Variants in COL22A1 observed in about 807,000 individuals in gnomAD.
COL22A1 encodes the protein collagen type XXII alpha 1 chain.
Under a neutral mutation model 248.9 loss-of-function variants are expected in COL22A1, and 221 were observed. The observed-to-expected ratio is 0.89, with a 90% CI of 0.80 to 0.99. COL22A1 has a LOEUF of 0.99. COL22A1 is among the 50% of genes least tolerant of loss of function. The probability of loss-of-function intolerance (pLI) is 0.00; values close to 1 mark genes in which losing one functional copy is unlikely to be tolerated. For synonymous variants in COL22A1, 891 were observed against 793.4 expected, an observed-to-expected ratio of 1.12 and a Z score of -2.07; for missense variants, 2,240 against 2,179.0, an observed-to-expected ratio of 1.03 and a Z score of -0.56.
chr8:138,912,180 G>C (rs1170540610), intron 1 of COL22A1, among the ~76,000 whole-genome samples: 1 of 152,224 alleles, frequency 6.6e-6, no homozygotes, highest in Non-Finnish European at 1.5e-5. Flanking sequence ...ACCCAGGGCA[G>C]CCAAAGAGAG....
intron 56 of COL22A1, among the ~76,000 whole-genome samples, chr8:138,612,004 A>T (rs1818901160): frequency 6.6e-6 from 1 of 152,274 alleles, no homozygotes; most frequent in Non-Finnish European, 1.5e-5. Context: ...CATTCAAAAA[A>T]CACACAACAT....
At chr8:138,685,342 T>C (rs1826266258) in intron 37 of COL22A1, 30 bp from the exon 38 acceptor site, 1 of 1,571,654 alleles carries the variant, frequency 6.4e-7, no homozygotes, top group Non-Finnish European at 8.8e-7. Context: ...TTTCCCAGGG[T>C]CAATTACACT....
At chr8:138,807,900 T>G in intron 9 of COL22A1, 88 bp from the exon 10 acceptor site, 1 of 1,371,752 alleles carries the variant, frequency 7.3e-7, no homozygotes, top group East Asian at 2.3e-5. Flanking sequence ...CCCCACATGC[T>G]TAGAAGCCAA....
chr8:138,715,437 G>C (rs1183341594), intron 30 of COL22A1, among the ~76,000 whole-genome samples: 2 of 151,560 alleles, frequency 1.3e-5, no homozygotes, highest in Non-Finnish European at 2.9e-5. Context: ...GGTGTGGTGG[G>C]GCATGCCTGT....
intron 43 of COL22A1, 113 bp downstream of exon 43, chr8:138,661,917 C>G (rs1172227328): frequency 1.5e-6 from 1 of 660,264 alleles, no homozygotes; most frequent in East Asian, 2.8e-5. Flanking sequence ...AAATCCTCAA[C>G]CGGGCTACAA....
At chr8:138,810,177 G>A (rs1442026935) in intron 9 of COL22A1, among the ~76,000 whole-genome samples, 1 of 152,178 alleles carries the variant, frequency 6.6e-6, no homozygotes, top group East Asian at 1.9e-4. Flanking sequence ...GGACACGAAG[G>A]AGGGAAGAGG....
chr8:138,802,842 AGC>A, intron 11 of COL22A1, 28 bp downstream of exon 11: 1 of 1,591,262 alleles, frequency 6.3e-7, no homozygotes, highest in Non-Finnish European at 8.6e-7. Context: ...CCTGAGGTTC[AGC>A]CATGTAGAGG....
intron 41 of COL22A1, among the ~76,000 whole-genome samples, chr8:138,676,269 A>C (rs1825497364): frequency 6.9e-6 from 1 of 145,524 alleles, no homozygotes; most frequent in South Asian, 2.3e-4. Flanking sequence ...GGTGGCAGGC[A>C]CCTGTAATCT....
At chr8:138,686,747 CTGT>C (rs908172257) in intron 37 of COL22A1, among the ~76,000 whole-genome samples, 27 of 152,154 alleles carry the variant, frequency 1.8e-4, no homozygotes, top group African/African-American at 6.3e-4. Context: ...GAACATGCAC[CTGT>C]TAGTCCTCCT....
chr8:138,846,529 A>T (rs1170842819), intron 3 of COL22A1, among the ~76,000 whole-genome samples: 1 of 152,164 alleles, frequency 6.6e-6, no homozygotes. Flanking sequence ...AGCCTCACAC[A>T]TTCACCAGGC....
At chr8:138,645,868 A>C (rs1403988151) in intron 47 of COL22A1, among the ~76,000 whole-genome samples, 1 of 152,168 alleles carries the variant, frequency 6.6e-6, no homozygotes, top group Non-Finnish European at 1.5e-5. Context: ...GAAGGTGTTC[A>C]TTCTGCAGCA....
At chr8:138,878,906 G>A (rs1823961260) in intron 2 of COL22A1, among the ~76,000 whole-genome samples, 1 of 152,144 alleles carries the variant, frequency 6.6e-6, no homozygotes, top group Non-Finnish European at 1.5e-5. Context: ...TACTCGGGAG[G>A]CTGAGGCAGG....
intron 12 of COL22A1, among the ~76,000 whole-genome samples, chr8:138,784,185 G>A (rs1014765930): frequency 6.6e-6 from 1 of 152,198 alleles, no homozygotes; most frequent in Admixed American, 6.5e-5. Flanking sequence ...GTTGTATTTA[G>A]GGGTGATTTT....
intron 36 of COL22A1, 125 bp from the exon 37 acceptor site, chr8:138,689,095 T>C: frequency 4.3e-6 from 3 of 702,054 alleles, no homozygotes; most frequent in East Asian, 2.8e-5. Flanking sequence ...CCCACCCAAT[T>C]CCCATACTTT....
intron 12 of COL22A1, among the ~76,000 whole-genome samples, chr8:138,796,016 C>T (rs1348131275): frequency 2.6e-5 from 4 of 152,290 alleles, no homozygotes; most frequent in South Asian, 2.1e-4. Flanking sequence ...AAAGTATCAA[C>T]GGGCATTTGC....
intron 41 of COL22A1, among the ~76,000 whole-genome samples, chr8:138,670,866 T>C (rs1278561535): frequency 1.4e-5 from 2 of 139,258 alleles, no homozygotes; most frequent in African/African-American, 5.4e-5. Flanking sequence ...GAGGCTGAGG[T>C]GGGAGGATCA....
chr8:138,738,448 G>A (rs1208213852), intron 22 of COL22A1, among the ~76,000 whole-genome samples: 3 of 152,174 alleles, frequency 2.0e-5, no homozygotes. Context: ...TTAAATAAAA[G>A]CACTACAATC....
rs371827946 is a variant in COL22A1, at chr8:138,589,142, G to GA, written c.*110dup. The GA allele has an allele frequency of 0.015, 12,391 of 854,448 alleles. 1 individual carries two copies. The highest frequency in any genetic ancestry group is 0.016 in the South Asian group (849 of 51,860). 52.9% of individuals were successfully genotyped at this position (854,448 alleles called of 1,614,324 possible). A position where few individuals can be genotyped will look rare whatever the true frequency, so the allele number is the denominator to read the frequency against. On this transcript the variant is annotated 3_prime_UTR_variant, in exon 65 of 65. Coordinates refer to ENST00000303045, the MANE Select transcript of COL22A1 (RefSeq NM_152888.3). Reference sequence around the variant, plus strand: ...AACAAAAAGCAAACGATAAAAGAAAGAAAAAAAAAAGGAACACATGGCTGA... The same window carrying GA: ...AACAAAAAGCAAACGATAAAAGAAAGAAAAAAAAAAAGGAACACATGGCTGA...
At chr8:138,691,361 ATGTG>A (rs1371330784) in intron 35 of COL22A1, among the ~76,000 whole-genome samples, 14 of 114,596 alleles carry the variant, frequency 1.2e-4, no homozygotes, top group Admixed American at 1.2e-3. Context: ...GTTTGTGGAG[ATGTG>A]TGTATGCATG....
Sources: gnomAD v4.1 joint callset for allele counts (sites outside exome capture counted in the v4.1 genomes callset) on GRCh38, gnomAD v4.1.1 for gene constraint, MANE v1.5 for transcripts, NCBI Gene and HGNC (gene_info 2026-07-23, HGNC 2026-07-21) for gene names.